Variants in ATRNL1 observed in about 807,000 individuals in gnomAD.
ATRNL1 encodes attractin-like protein 1.
A neutral mutation model predicts 182.7 loss-of-function variants in ATRNL1; 95 were observed. The observed-to-expected ratio is 0.52, with a 90% CI of 0.44 to 0.62. The LOEUF (loss-of-function observed/expected upper bound fraction) is 0.62. ATRNL1 is among the 20% of genes least tolerant of loss of function. The pLI is 0.00. For synonymous variants in ATRNL1, 576 were observed against 568.3 expected (o/e 1.01, Z -0.19); for missense variants, 1,471 against 1,679.5 (o/e 0.88, Z 2.17).
chr10:115,638,698 T>G (rs1555029166), intron 26 of ATRNL1, among the ~76,000 whole-genome samples: 1 of 152,204 alleles, frequency 6.6e-6, no homozygotes, highest in Admixed American at 6.5e-5. Context: ...TTTTATGGTA[T>G]GTATAAAACT....
intron 27 of ATRNL1, among the ~76,000 whole-genome samples, chr10:115,736,599 T>C (rs782652211): frequency 6.6e-6 from 1 of 152,148 alleles, no homozygotes; most frequent in Non-Finnish European, 1.5e-5. Context: ...TGGTGATCTT[T>C]ATGAGCTCTT....
intron 19 of ATRNL1, among the ~76,000 whole-genome samples, chr10:115,357,777 A>G (rs1448598424): frequency 2.6e-5 from 4 of 151,684 alleles, no homozygotes; most frequent in Non-Finnish European, 5.9e-5. Flanking sequence ...AGTACAGCCT[A>G]TTTTATTAGG....
At chr10:115,854,523 T>A (rs1287775113) in intron 28 of ATRNL1, among the ~76,000 whole-genome samples, 1 of 152,200 alleles carries the variant, frequency 6.6e-6, no homozygotes, top group Non-Finnish European at 1.5e-5. Flanking sequence ...AGGGAAAACT[T>A]CTCTGCAGCT....
At chr10:115,467,109 A>G in intron 22 of ATRNL1, 65 bp from the exon 23 acceptor site, 1 of 863,874 alleles carries the variant, frequency 1.2e-6, no homozygotes, top group South Asian at 1.5e-5. Flanking sequence ...TTAAATCAGT[A>G]GACTAAATCA....
At chr10:115,255,294 G>C (rs920633358) in intron 10 of ATRNL1, among the ~76,000 whole-genome samples, 1 of 152,116 alleles carries the variant, frequency 6.6e-6, no homozygotes. Flanking sequence ...ATTTGTTTGT[G>C]TCCTCTTTTA....
intron 26 of ATRNL1, among the ~76,000 whole-genome samples, chr10:115,682,778 A>G (rs1946092337): frequency 6.6e-6 from 1 of 152,136 alleles, no homozygotes; most frequent in Non-Finnish European, 1.5e-5. Context: ...GGAACAAAAC[A>G]GTTGACAACT....
chr10:115,851,489 A>T (rs1399373941), intron 28 of ATRNL1, among the ~76,000 whole-genome samples: 1 of 152,036 alleles, frequency 6.6e-6, no homozygotes, highest in Admixed American at 6.6e-5. Flanking sequence ...AAATGTGTGA[A>T]CTCCCTTCCT....
chr10:115,316,852 A>G (rs1592436073), intron 18 of ATRNL1, among the ~76,000 whole-genome samples: 2 of 152,020 alleles, frequency 1.3e-5, no homozygotes, highest in East Asian at 1.9e-4. Context: ...ATTTTCTCCT[A>G]TTCTGTAGGT....
chr10:115,302,309 A>G (rs1184108666), intron 17 of ATRNL1, among the ~76,000 whole-genome samples: 2 of 152,192 alleles, frequency 1.3e-5, no homozygotes, highest in Non-Finnish European at 2.9e-5. Flanking sequence ...TGTTGCAGAC[A>G]GTATAACACT....
At chr10:115,647,209 T>G (rs1555032852) in intron 26 of ATRNL1, among the ~76,000 whole-genome samples, 2 of 152,066 alleles carry the variant, frequency 1.3e-5, no homozygotes, top group Non-Finnish European at 2.9e-5. Context: ...CTGGTGGACA[T>G]TTGGGTTGGT....
At chr10:115,853,674 A>T (rs1951107684) in intron 28 of ATRNL1, among the ~76,000 whole-genome samples, 1 of 152,222 alleles carries the variant, frequency 6.6e-6, no homozygotes, top group Non-Finnish European at 1.5e-5. Flanking sequence ...ACTGAATTAT[A>T]TCAAAACTTC....
chr10:115,439,239 G>A (rs1008918498), intron 21 of ATRNL1, among the ~76,000 whole-genome samples: 1 of 151,706 alleles, frequency 6.6e-6, no homozygotes, highest in Admixed American at 6.6e-5. Flanking sequence ...TCTCAGAGGT[G>A]GCACAGGTAG....
chr10:115,905,514 GC>G (rs1222941208), intron 28 of ATRNL1, among the ~76,000 whole-genome samples: 11 of 152,024 alleles, frequency 7.2e-5, no homozygotes, highest in African/African-American at 2.7e-4. Context: ...ACAGGCGTGA[GC>G]CACTGTGCCT....
intron 25 of ATRNL1, among the ~76,000 whole-genome samples, chr10:115,537,575 TC>T (rs1852106120): frequency 6.6e-6 from 1 of 152,230 alleles, no homozygotes; most frequent in African/African-American, 2.4e-5. Flanking sequence ...TTTAAAATCT[TC>T]CTTTTACATT....
chr10:115,243,384 T>A (rs1355446144), intron 10 of ATRNL1, among the ~76,000 whole-genome samples: 3 of 152,098 alleles, frequency 2.0e-5, no homozygotes, highest in Non-Finnish European at 4.4e-5. Flanking sequence ...TGATTCTAAT[T>A]ACTACTATTT....
intron 6 of ATRNL1, among the ~76,000 whole-genome samples, chr10:115,162,149 A>C (rs1011908498): frequency 8.1e-6 from 1 of 122,950 alleles, no homozygotes; most frequent in South Asian, 2.1e-4. Context: ...TGGCAATGAC[A>C]AAAAAAAAAC....
At chr10:115,146,470 G>A (rs1845975901) in intron 5 of ATRNL1, among the ~76,000 whole-genome samples, 1 of 151,866 alleles carries the variant, frequency 6.6e-6, no homozygotes, top group Non-Finnish European at 1.5e-5. Context: ...TTCTGTGTTG[G>A]GAGCATTTCA....
intron 19 of ATRNL1, among the ~76,000 whole-genome samples, chr10:115,382,504 A>G (rs558423707): frequency 6.6e-6 from 1 of 152,062 alleles, no homozygotes; most frequent in African/African-American, 2.4e-5. Flanking sequence ...GTATAGAAGC[A>G]CAATAGACTT....
intron 16 of ATRNL1, 73 bp downstream of exon 16, chr10:115,300,320 G>T: frequency 4.1e-6 from 5 of 1,206,022 alleles, no homozygotes; most frequent in Non-Finnish European, 4.7e-6. Context: ...TTCCTTCTAG[G>T]GTGTAGTCTT....
Sources: gnomAD v4.1 joint callset for allele counts (sites outside exome capture counted in the v4.1 genomes callset) on GRCh38, gnomAD v4.1.1 for gene constraint, MANE v1.5 for transcripts, NCBI Gene and HGNC (gene_info 2026-07-23, HGNC 2026-07-21) for gene names.